Variants in SMIM35 observed in about 807,000 individuals in gnomAD.
SMIM35 encodes the protein small integral membrane protein 35.
chr11:118,047,131 A>G (rs1168160399), intron 1 of SMIM35, among the ~76,000 whole-genome samples: 2 of 152,074 alleles, frequency 1.3e-5, no homozygotes, highest in African/African-American at 2.4e-5. Flanking sequence ...CACCACCCCA[A>G]TGCGGTGACC....
intron 1 of SMIM35, chr11:118,025,715 G>A (rs1431625025): frequency 2.2e-6 from 1 of 453,804 alleles, no homozygotes; most frequent in Non-Finnish European, 4.4e-6. Flanking sequence ...TGCATAGTTT[G>A]TGAATATTTT....
chr11:118,069,635 T>C (rs938568978), intron 1 of SMIM35, among the ~76,000 whole-genome samples: 1 of 152,176 alleles, frequency 6.6e-6, no homozygotes, highest in African/African-American at 2.4e-5. Flanking sequence ...CCCAAAAGCA[T>C]GTGTCGGAAA....
At chr11:118,037,795 T>A (rs1417746902) in intron 1 of SMIM35, among the ~76,000 whole-genome samples, 1 of 152,238 alleles carries the variant, frequency 6.6e-6, no homozygotes, top group Non-Finnish European at 1.5e-5. Context: ...CTAGTACTCC[T>A]GCTCCAATAA....
At position 118,006,333 on chromosome 11, in the gene SMIM35, C is replaced by A. The variant is rs138444141; in HGVS notation, c.*77G>T. ...AATGCTCAGCCACTTTCTGTTCTCT[C>A]CACATGAAACTGTCATGTCAGTTCT... On this transcript the variant is annotated 3_prime_UTR_variant, in exon 5 of 5. Transcript: ENST00000689828. The A allele has an allele frequency of 6.6e-6, 1 of 152,250 alleles. No individual in the cohort carries two copies. The highest frequency in any genetic ancestry group is 2.1e-4 in the South Asian group (1 of 4,828). 9.4% of individuals were successfully genotyped at this position (152,250 alleles called of 1,614,324 possible).
intron 1 of SMIM35, among the ~76,000 whole-genome samples, chr11:118,063,664 C>T (rs889159917): frequency 2.6e-5 from 4 of 152,116 alleles, no homozygotes; most frequent in African/African-American, 7.2e-5. Flanking sequence ...CACCCCTAAA[C>T]TTAGGGGAGG....
chr11:118,061,915 T>C (rs625267), intron 1 of SMIM35, among the ~76,000 whole-genome samples: 132,768 of 152,210 alleles, frequency 0.87, 58,015 homozygotes, highest in East Asian at 0.93. Flanking sequence ...CAATGCCACC[T>C]ACCACATGGG....
chr11:118,033,617 G>T (rs986138080), intron 1 of SMIM35, among the ~76,000 whole-genome samples: 3 of 152,196 alleles, frequency 2.0e-5, no homozygotes, highest in African/African-American at 7.2e-5. Flanking sequence ...ATGGAAGGGT[G>T]AACGCAGATT....
chr11:118,054,689 A>ACTATAAAGT (rs1274585648), intron 1 of SMIM35, among the ~76,000 whole-genome samples: 1 of 152,190 alleles, frequency 6.6e-6, no homozygotes, highest in East Asian at 1.9e-4. Flanking sequence ...TGTAATGTAC[A>ACTATAAAGT]CTATAAAGTG....
chr11:118,009,258 T>A (rs2058138758), intron 4 of SMIM35, among the ~76,000 whole-genome samples: 1 of 152,164 alleles, frequency 6.6e-6, no homozygotes, highest in Admixed American at 6.5e-5. Flanking sequence ...GAGGAGTATG[T>A]TCTTGGGGGC....
At chr11:118,007,529 G>A (rs537892381) in intron 4 of SMIM35, among the ~76,000 whole-genome samples, 1 of 151,936 alleles carries the variant, frequency 6.6e-6, no homozygotes, top group South Asian at 2.1e-4. Flanking sequence ...CCAAATAGTG[G>A]GGGCTACAGT....
intron 4 of SMIM35, among the ~76,000 whole-genome samples, chr11:118,009,001 G>T (rs912836194): frequency 2.0e-5 from 3 of 152,204 alleles, no homozygotes; most frequent in Non-Finnish European, 4.4e-5. Context: ...TTTAAAATCA[G>T]CAGAGCACAA....
chr11:118,007,700 G>A (rs1176536557), intron 4 of SMIM35, among the ~76,000 whole-genome samples: 1 of 151,836 alleles, frequency 6.6e-6, no homozygotes, highest in Non-Finnish European at 1.5e-5. Context: ...GGCCGAAGAT[G>A]TGACTTCTTA....
intron 1 of SMIM35, among the ~76,000 whole-genome samples, chr11:118,059,750 C>T (rs1293794216): frequency 6.6e-6 from 1 of 152,144 alleles, no homozygotes; most frequent in Non-Finnish European, 1.5e-5. Context: ...AATCCCAGAG[C>T]CCTGCCTCAC....
At chr11:118,040,011 C>T (rs1465472565) in intron 1 of SMIM35, among the ~76,000 whole-genome samples, 1 of 143,414 alleles carries the variant, frequency 7.0e-6, no homozygotes, top group Non-Finnish European at 1.5e-5. Flanking sequence ...CACCACTGTA[C>T]TCTAGCCTGG....
intron 1 of SMIM35, among the ~76,000 whole-genome samples, chr11:118,074,393 G>A (rs1944619758): frequency 6.6e-6 from 1 of 152,186 alleles, no homozygotes; most frequent in African/African-American, 2.4e-5. Context: ...GAGATGGATG[G>A]GCAAGAGAAA....
At chr11:118,068,078 G>A (rs1229670989) in intron 1 of SMIM35, among the ~76,000 whole-genome samples, 1 of 151,708 alleles carries the variant, frequency 6.6e-6, no homozygotes, top group Non-Finnish European at 1.5e-5. Flanking sequence ...CCTGTGTACA[G>A]ATCCTTCAAA....
chr11:118,080,838 G>C (rs755528345), intron 1 of SMIM35, among the ~76,000 whole-genome samples: 1 of 152,172 alleles, frequency 6.6e-6, no homozygotes, highest in Non-Finnish European at 1.5e-5. Context: ...AGACTTCCCA[G>C]GTGCCTCTTC....
At chr11:118,050,145 A>G (rs573870369) in intron 1 of SMIM35, among the ~76,000 whole-genome samples, 163 of 152,278 alleles carry the variant, frequency 1.1e-3, no homozygotes, top group African/African-American at 3.2e-3. Context: ...AGCCACTCTG[A>G]CCTTCCAGGT....
At chr11:118,081,579 G>C (rs1308945479) in intron 1 of SMIM35, among the ~76,000 whole-genome samples, 4 of 152,246 alleles carry the variant, frequency 2.6e-5, no homozygotes, top group Non-Finnish European at 5.9e-5. Flanking sequence ...GAGGGTGAGA[G>C]ACATGATGGC....
Sources: gnomAD v4.1 joint callset for allele counts (sites outside exome capture counted in the v4.1 genomes callset) on GRCh38, gnomAD v4.1.1 for gene constraint, MANE v1.5 for transcripts, NCBI Gene and HGNC (gene_info 2026-07-23, HGNC 2026-07-21) for gene names.